Variants in CAP2 observed in about 807,000 individuals in gnomAD.
The protein encoded by CAP2 is cyclase associated actin cytoskeleton regulatory protein 2, also known as adenylyl cyclase-associated protein 2.
CAP2 carries 24 observed loss-of-function variants against 57.7 expected under a neutral mutation model. That is an observed-to-expected ratio of 0.42 (90% CI 0.30 to 0.58). The LOEUF (loss-of-function observed/expected upper bound fraction) is 0.58. Among genes scored for constraint, CAP2 ranks in the 20% least tolerant of loss-of-function variants. The pLI is 0.22. For synonymous variants in CAP2, 194 were observed against 207.2 expected, an observed-to-expected ratio of 0.94 and a Z score of 0.55; for missense variants, 501 against 590.3, an observed-to-expected ratio of 0.85 and a Z score of 1.57.
At chr6:17,441,237 T>C (rs1411577513) in intron 3 of CAP2, among the ~76,000 whole-genome samples, 2 of 151,528 alleles carry the variant, frequency 1.3e-5, no homozygotes, top group Non-Finnish European at 2.9e-5. Context: ...CTTTATCTCA[T>C]GTTTCTTTCA....
chr6:17,447,176 A>T (rs544045569), intron 3 of CAP2, among the ~76,000 whole-genome samples: 419 of 27,418 alleles, frequency 0.015, 2 homozygotes, highest in Middle Eastern at 0.037. Flanking sequence ...GCAGCTAATT[A>T]AAAAAAAAAA....
At position 17,507,150 on chromosome 6, in the gene CAP2, G is replaced by A. The variant is rs201364565; in HGVS notation, c.301-19G>A. The A allele has an allele frequency of 2.4e-5, 38 of 1,614,072 alleles. No homozygotes were observed. The East Asian group carries it at 4.9e-4, about 21-fold the overall frequency. ...TGCTCTGTCTGTAGTAAAAGCCCCC[G>A]ATGTTTGACTGCTTACAGAATGACG... On this transcript the variant is annotated intron_variant, in intron 4 of 12. Transcript: ENST00000229922.
intron 4 of CAP2, among the ~76,000 whole-genome samples, chr6:17,500,344 T>TATATAC: frequency 1.6e-5 from 1 of 61,222 alleles, no homozygotes; most frequent in South Asian, 6.6e-4. Context: ...TGTCCAAATA[T>TATATAC]ATATATATAT....
intron 7 of CAP2, among the ~76,000 whole-genome samples, chr6:17,527,958 A>C (rs75263100): frequency 0.012 from 1,880 of 152,272 alleles, 46 homozygotes; most frequent in African/African-American, 0.043. Flanking sequence ...TGCTTTTATC[A>C]AAAATTTTTA....
intron 3 of CAP2, among the ~76,000 whole-genome samples, chr6:17,452,498 G>A (rs1038757478): frequency 6.6e-6 from 1 of 152,152 alleles, no homozygotes; most frequent in African/African-American, 2.4e-5. Flanking sequence ...TCATAGCAAA[G>A]AAACATTCCG....
chr6:17,521,277 C>T (rs543741769), intron 7 of CAP2, among the ~76,000 whole-genome samples: 80 of 151,976 alleles, frequency 5.3e-4, no homozygotes, highest in African/African-American at 1.9e-3. Context: ...AAATTAGCCG[C>T]ACAAGGTGGC....
At chr6:17,411,856 G>A (rs1759148774) in intron 1 of CAP2, among the ~76,000 whole-genome samples, 1 of 152,102 alleles carries the variant, frequency 6.6e-6, no homozygotes. Context: ...CCTCCATGGT[G>A]TAAACAAGCG....
chr6:17,459,594 C>G (rs1038011165), intron 3 of CAP2, among the ~76,000 whole-genome samples: 1 of 151,868 alleles, frequency 6.6e-6, no homozygotes, highest in African/African-American at 2.4e-5. Context: ...AACTTGTACT[C>G]TTAGAATTTA....
At chr6:17,455,316 A>G (rs1363779704) in intron 3 of CAP2, among the ~76,000 whole-genome samples, 4 of 151,680 alleles carry the variant, frequency 2.6e-5, no homozygotes, top group Non-Finnish European at 4.4e-5. Context: ...GAGCATGCGC[A>G]CAACTTAAAT....
chr6:17,502,299 G>C (rs1314114965), intron 4 of CAP2, among the ~76,000 whole-genome samples: 2 of 152,154 alleles, frequency 1.3e-5, no homozygotes, highest in African/African-American at 4.8e-5. Flanking sequence ...CTTTTCGTCT[G>C]ACATCCCACA....
At chr6:17,493,775 CAAA>C (rs10647199) in intron 4 of CAP2, among the ~76,000 whole-genome samples, 8 of 103,536 alleles carry the variant, frequency 7.7e-5, no homozygotes, top group South Asian at 3.0e-4. Context: ...GAGGAGGGGG[CAAA>C]AAAAAAAAAA....
At position 17,484,586 on chromosome 6, in the gene CAP2, G is replaced by C. The variant is rs918095183; in HGVS notation, c.300+21513G>C. Among the ~76,000 whole-genome samples, 3 of 152,128 alleles carry C rather than the reference G, an allele frequency of 2.0e-5. No individual in the cohort carries two copies. In the South Asian group the frequency reaches 6.2e-4, roughly 32 times the overall value. On this transcript the variant is annotated intron_variant, in intron 4 of 12. Coordinates refer to ENST00000229922, the MANE Select transcript of CAP2 (RefSeq NM_006366.3). Reference sequence around the variant, plus strand: ...CATCTCTATCTGACATGTTTCCTGGGTGGTTTACAAATTGAAAAATCAAAT... The same window carrying C: ...CATCTCTATCTGACATGTTTCCTGGCTGGTTTACAAATTGAAAAATCAAAT...
chr6:17,481,172 C>T (rs1761279817), intron 4 of CAP2, among the ~76,000 whole-genome samples: 2 of 151,924 alleles, frequency 1.3e-5, no homozygotes, highest in Non-Finnish European at 2.9e-5. Flanking sequence ...TTTTAATAAG[C>T]AAGTTTAGGC....
At chr6:17,548,323 C>T (rs1183731104) in intron 11 of CAP2, among the ~76,000 whole-genome samples, 1 of 151,228 alleles carries the variant, frequency 6.6e-6, no homozygotes, top group South Asian at 2.1e-4. Context: ...GCCAAGATCC[C>T]GCCACTGCAC....
intron 3 of CAP2, among the ~76,000 whole-genome samples, chr6:17,459,793 T>A (rs745844074): frequency 2.0e-5 from 3 of 152,290 alleles, no homozygotes; most frequent in Non-Finnish European, 4.4e-5. Flanking sequence ...ATAGAAAAAG[T>A]ATTCTTATAA....
At chr6:17,417,790 T>A (rs1230738787) in intron 1 of CAP2, among the ~76,000 whole-genome samples, 1 of 152,162 alleles carries the variant, frequency 6.6e-6, no homozygotes, top group Non-Finnish European at 1.5e-5. Flanking sequence ...CAGCTGTGAA[T>A]CTGGCTTCTC....
Position 17,556,715 on chromosome 6 carries a change from T to G in CAP2, c.*273T>G. ...TAAAGGAAAAAAAAAAAGAATTCTG[T>G]TCCCCTCATATCATGAACACAGTAA... On this transcript the variant is annotated 3_prime_UTR_variant, in exon 13 of 13. Coordinates refer to ENST00000229922, the MANE Select transcript of CAP2 (RefSeq NM_006366.3). 10 of 402,208 alleles carry G rather than the reference T, an allele frequency of 2.5e-5. No individual in the cohort carries two copies. Among genetic ancestry groups the G allele is most frequent in the East Asian group, 4.1e-5 (1 of 24,650 alleles). The allele number at this position is 402,208 out of a possible 1,614,324, so 24.9% of individuals were successfully genotyped here.
At chr6:17,490,187 T>A (rs1472573803) in intron 4 of CAP2, among the ~76,000 whole-genome samples, 1 of 152,192 alleles carries the variant, frequency 6.6e-6, no homozygotes, top group Non-Finnish European at 1.5e-5. Context: ...AGATGACACT[T>A]TATTTTGTTC....
intron 2 of CAP2, among the ~76,000 whole-genome samples, chr6:17,426,240 T>C (rs1334356953): frequency 1.3e-5 from 2 of 150,480 alleles, no homozygotes; most frequent in African/African-American, 4.9e-5. Context: ...TCTTTTTTTT[T>C]TTTTTTTCTT....
Sources: allele counts gnomAD v4.1 joint callset (sites outside exome capture counted in the v4.1 genomes callset), GRCh38; gene constraint gnomAD v4.1.1; transcripts MANE v1.5; gene names NCBI Gene and HGNC (gene_info 2026-07-23, HGNC 2026-07-21).